ABCA10: variants seen among roughly 807,000 people sequenced by gnomAD.
ABCA10 encodes ATP-binding cassette sub-family A member 10.
Under a neutral mutation model 187.5 loss-of-function variants are expected in ABCA10, and 169 were observed. The observed-to-expected ratio is 0.90, with a 90% confidence interval of 0.80 to 1.02. ABCA10 has a LOEUF of 1.02. ABCA10 is among the 50% of genes least tolerant of loss of function. The pLI, the probability that ABCA10 is intolerant of heterozygous loss-of-function variation, is 0.00. For missense variants in ABCA10, 1,727 were observed against 1,812.4 expected (o/e 0.95, Z 0.86); for synonymous variants, 574 against 601.8 (o/e 0.95, Z 0.68).
At chr17:69,244,122 T>C (rs1341074344) in intron 1 of ABCA10, among the ~76,000 whole-genome samples, 1 of 152,158 alleles carries the variant, frequency 6.6e-6, no homozygotes, top group Non-Finnish European at 1.5e-5. Flanking sequence ...ACTGAACCTG[T>C]TATATGTGAT....
chr17:69,241,905 CT>C (rs1452731933), intron 1 of ABCA10, among the ~76,000 whole-genome samples: 1 of 152,156 alleles, frequency 6.6e-6, no homozygotes, highest in Non-Finnish European at 1.5e-5. Flanking sequence ...GAAAAGCAGT[CT>C]TTCTTTGAAA....
intron 20 of ABCA10, among the ~76,000 whole-genome samples, chr17:69,185,084 G>C (rs1428408780): frequency 6.6e-6 from 1 of 152,044 alleles, no homozygotes; most frequent in Non-Finnish European, 1.5e-5. Context: ...TCACTTATAA[G>C]TGGGAGCTAA....
intron 9 of ABCA10, among the ~76,000 whole-genome samples, chr17:69,205,593 G>A (rs112788408): frequency 1.1e-3 from 166 of 152,342 alleles, no homozygotes; most frequent in Middle Eastern, 6.8e-3. Flanking sequence ...ATTCTGCTAA[G>A]TGTGTTCTTG....
intron 5 of ABCA10, 121 bp downstream of exon 5, chr17:69,221,671 T>A (rs1227413351): frequency 7.9e-6 from 7 of 884,782 alleles, no homozygotes; most frequent in Admixed American, 6.4e-5. Context: ...TTGTTTTCTC[T>A]GAGGATGACA....
rs2074382014 is a variant in ABCA10, at chr17:69,181,708, T to A, written c.2769+445A>T. Among the ~76,000 whole-genome samples the A allele has an allele frequency of 2.0e-5, 3 of 152,030 alleles. No homozygotes were observed. The South Asian group carries it at 6.2e-4, about 31-fold the overall frequency. ...AACAGTACTTGAAAGATTCTTGATC[T>A]TTCAGAATAAGTAATAGCAAACATG... is the stretch of plus-strand genomic sequence containing the variant. On this transcript the variant is annotated intron_variant, in intron 22 of 38. Transcript: ENST00000690296.
intron 9 of ABCA10, among the ~76,000 whole-genome samples, chr17:69,207,548 T>TAC (rs2074600965): frequency 6.6e-6 from 1 of 152,144 alleles, no homozygotes; most frequent in African/African-American, 2.4e-5. Context: ...TATATATATA[T>TAC]ACAATAGAAT....
intron 11 of ABCA10, chr17:69,196,618 G>A (rs911632224): frequency 3.1e-5 from 6 of 194,426 alleles, no homozygotes; most frequent in Admixed American, 1.7e-4. Flanking sequence ...GGTGGCGGCC[G>A]GGCAGAGGCT....
chr17:69,182,609 G>A, intron 21 of ABCA10, 66 bp downstream of exon 21: 1 of 1,491,346 alleles, frequency 6.7e-7, no homozygotes, highest in Non-Finnish European at 8.9e-7. Flanking sequence ...ATAGTTCTAA[G>A]TATTAGGACG....
Position 69,219,585 on chromosome 17 carries a change from T to G in ABCA10, c.490A>C (p.Lys164Gln). 2 of 1,608,388 alleles carry G rather than the reference T, an allele frequency of 1.2e-6. No individual in the cohort carries two copies. Among genetic ancestry groups the G allele is most frequent in the Non-Finnish European group, 1.7e-6 (2 of 1,177,754 alleles). ...CGGAGACCCATCACTGTCATCAGTTTCTTAAATTTTCCTCTTTCCCTTGCA... is the reference window on the plus strand; with the variant it reads ...CGGAGACCCATCACTGTCATCAGTTGCTTAAATTTTCCTCTTTCCCTTGCA... The part of the protein sequence containing the change: ...NVARERGKFK[K>Q]LMTVMGLRES... Residue 164 changes from lysine (K) to glutamine (Q), a missense_variant, in exon 6 of 39, where the codon AAA becomes CAA. Physicochemically the swap from Lys to Gln is moderately conservative, Grantham distance 53. Transcript: ENST00000690296.
chr17:69,156,905 T>G lies in ABCA10; in HGVS notation c.3382A>C (p.Ile1128Leu). ...TTLIPYLQSV[I>L]FLFVIRCLEM... The stretch of plus-strand genomic sequence containing the variant: ...AGACACCTTATGACAAAAAGGAAAA[T>G]AACACTCTGAAGGTATGGCTAAAAG... The change falls in exon 28 of 39, where the codon ATT becomes CTT. Residue 1128 changes from isoleucine (I) to leucine (L), a missense_variant. Ile to Leu is a conservative substitution (Grantham distance 5). Coordinates refer to ENST00000690296, the MANE Select transcript of ABCA10 (RefSeq NM_001377321.1). 1 of 1,585,556 alleles carries G rather than the reference T, an allele frequency of 6.3e-7. No homozygotes were observed. Among genetic ancestry groups the G allele is most frequent in the Non-Finnish European group, 8.6e-7 (1 of 1,165,406 alleles).
At chr17:69,182,641 AC>A (rs767910774) in intron 21 of ABCA10, 33 bp downstream of exon 21, 24 of 1,533,028 alleles carry the variant, frequency 1.6e-5, no homozygotes, top group African/African-American at 9.8e-5. Flanking sequence ...ACAAAAAAAA[AC>A]CAAAAAAAAA....
At chr17:69,181,340 G>C (rs1400720624) in intron 22 of ABCA10, among the ~76,000 whole-genome samples, 1 of 152,098 alleles carries the variant, frequency 6.6e-6, no homozygotes, top group Non-Finnish European at 1.5e-5. Context: ...TACCTAGTAA[G>C]TTGTATATGG....
At chr17:69,217,530 G>T (rs911799838) in intron 6 of ABCA10, among the ~76,000 whole-genome samples, 3 of 152,080 alleles carry the variant, frequency 2.0e-5, no homozygotes, top group African/African-American at 7.2e-5. Flanking sequence ...AAAGGCTGAA[G>T]AATTAAACAA....
intron 20 of ABCA10, among the ~76,000 whole-genome samples, chr17:69,184,654 A>T (rs139808936): frequency 0.016 from 2,474 of 152,214 alleles, 38 homozygotes; most frequent in Middle Eastern, 0.027. Flanking sequence ...GAGATTCCTT[A>T]AAGAACTAAA....
intron 3 of ABCA10, among the ~76,000 whole-genome samples, chr17:69,224,168 A>G (rs1231841567): frequency 6.6e-6 from 1 of 152,180 alleles, no homozygotes; most frequent in African/African-American, 2.4e-5. Context: ...GAAAGCTTGG[A>G]TAGGTTAGGC....
chr17:69,165,049 G>C lies in ABCA10; in HGVS notation c.3197C>G (p.Thr1066Ser). 6.3e-7 allele frequency: 1 copy of C among 1,588,386 alleles called. No individual in the cohort carries two copies. The change falls in exon 26 of 39, where the codon ACT becomes AGT. Residue 1066 changes from threonine (T) to serine (S), a missense_variant. By Grantham distance (58) the Thr-to-Ser change is moderately conservative. Coordinates refer to ENST00000690296, the MANE Select transcript of ABCA10 (RefSeq NM_001377321.1). ...LICVSTIMVS[T>S]QYEKLNLILC... ...AATTAAGTTGAGTTTTTCATATTGAGTTGATACCATAATTGTGGATACACA... is the reference window on the plus strand; with the variant it reads ...AATTAAGTTGAGTTTTTCATATTGACTTGATACCATAATTGTGGATACACA...
chr17:69,210,287 T>A (rs982964431), intron 9 of ABCA10, among the ~76,000 whole-genome samples: 12 of 146,860 alleles, frequency 8.2e-5, no homozygotes, highest in Non-Finnish European at 1.8e-4. Flanking sequence ...CTTCCCGGGT[T>A]CACGCCATTC....
intron 27 of ABCA10, among the ~76,000 whole-genome samples, chr17:69,158,555 G>A (rs569320573): frequency 9.9e-5 from 15 of 151,866 alleles, no homozygotes; most frequent in African/African-American, 3.4e-4. Context: ...AAATACTAAA[G>A]TATATAAAAT....
In ABCA10 at chr17:69,154,297, C is replaced by G. The variant is rs200206246; in HGVS notation, c.3724G>C (p.Gly1242Arg). 4 of 1,610,770 alleles carry G rather than the reference C, an allele frequency of 2.5e-6. No individual in the cohort carries two copies. The East Asian group carries it at 8.9e-5, about 36-fold the overall frequency. ...TTAATGGAAGTACTTTTACCAGCTC[C>G]ATTGTGTCCTAGTAATCCCAAAACT... The part of the protein sequence containing the change: ...GEVLGLLGHN[G>R]AGKSTSIKMI... Residue 1242 changes from glycine (G) to arginine (R), a missense_variant, in exon 31 of 39, where the codon GGA (glycine) becomes CGA (arginine). Transcript: ENST00000690296.
Sources: allele counts gnomAD v4.1 joint callset (sites outside exome capture counted in the v4.1 genomes callset), GRCh38; gene constraint gnomAD v4.1.1; transcripts MANE v1.5; gene names NCBI Gene and HGNC (gene_info 2026-07-23, HGNC 2026-07-21).